PI4KA: variants seen among roughly 807,000 people sequenced by gnomAD.
The protein encoded by PI4KA is PI4-kinase alpha.
Under a neutral mutation model 271.4 loss-of-function variants are expected in PI4KA, and 122 were observed. The ratio of observed to expected loss-of-function variants is 0.45; its 90% CI spans 0.39 to 0.52. The LOEUF (loss-of-function observed/expected upper bound fraction) is 0.52. Ranked by LOEUF, PI4KA falls within the 20% of genes least tolerant of loss-of-function variation. The pLI, the probability that PI4KA is intolerant of heterozygous loss-of-function variation, is 0.00. For missense variants in PI4KA, 1,969 were observed against 2,769.1 expected, an observed-to-expected ratio of 0.71 and a Z score of 6.48; for synonymous variants, 1,041 against 1,078.8, an observed-to-expected ratio of 0.96 and a Z score of 0.69.
chr22:20,837,356 G>A (rs893968774), intron 2 of PI4KA, among the ~76,000 whole-genome samples: 6 of 149,450 alleles, frequency 4.0e-5, no homozygotes, highest in African/African-American at 1.0e-4. Context: ...CAGCCTAGGC[G>A]ATAGAGTGAC....
rs1930646594 is a variant in PI4KA at position 20,751,195 on chromosome 22, G to A, written c.3153+98C>T. The stretch of plus-strand genomic sequence containing the variant: ...GCACCACCCACACCTCAAATTGCTG[G>A]GGACTGGGTGAGCTCATGCAGGTTG... On this transcript the variant is annotated intron_variant, in intron 27 of 54. Transcript: ENST00000255882. 11 of 936,438 alleles carry A rather than the reference G, an allele frequency of 1.2e-5. No individual in the cohort carries two copies. In the Admixed American group the frequency reaches 2.2e-4, roughly 18 times the overall value. The allele number at this position is 936,438 out of a possible 1,614,324, so 58.0% of individuals were successfully genotyped here.
At position 20,739,277 on chromosome 22, in the gene PI4KA, C is replaced by T. The variant is rs1287666167; in HGVS notation, c.3741+2951G>A. 5.4e-5 allele frequency among the ~76,000 whole-genome samples: 8 copies of T among 149,440 alleles called. No individual in the cohort carries two copies. The South Asian group carries it at 8.5e-4, about 16-fold the overall frequency. ...AGGAGAATGGCGTGAACCCGGGAGG[C>T]GGAGTGAGCCAAGATCGGGCCACTG... On this transcript the variant is annotated intron_variant, in intron 32 of 54. Transcript: ENST00000255882.
rs374208021 is a variant in PI4KA, at chr22:20,709,899, G to A, written c.6173+9C>T. ...CCCAGATGGCCTGCGTGTCCACCAA[G>A]GAACCTACTTCAAGAGCTTGATTGT... On this transcript the variant is annotated intron_variant, in intron 53 of 54. Transcript: ENST00000255882. 7.8e-6 allele frequency: 12 copies of A among 1,535,210 alleles called. No individual in the cohort carries two copies. The African/African-American group carries it at 1.5e-4, about 19-fold the overall frequency.
At chr22:20,717,152 G>A (rs541331781) in intron 45 of PI4KA, among the ~76,000 whole-genome samples, 11 of 152,188 alleles carry the variant, frequency 7.2e-5, no homozygotes, top group East Asian at 3.9e-4. Flanking sequence ...AGGCTGAGGC[G>A]ACACAGCGAA....
Position 20,777,603 on chromosome 22 carries a change from C to CT in PI4KA, c.2329-11911dup, listed in dbSNP as rs528896939. On this transcript the variant is annotated intron_variant, in intron 19 of 54. Transcript: ENST00000255882. ...TCCTGGGCTCAAGTGATCTTCCTGC[C>CT]TTGGTCTCCCAGTGTTGGGATTATA... Among the ~76,000 whole-genome samples, 223 of 152,348 alleles carry CT rather than the reference C, an allele frequency of 1.5e-3. 1 individual carries two copies. The highest frequency in any genetic ancestry group is 5.8e-3 in the South Asian group (28 of 4,824).
chr22:20,811,417 C>T (rs554525662), intron 8 of PI4KA, among the ~76,000 whole-genome samples: 1 of 152,212 alleles, frequency 6.6e-6, no homozygotes, highest in Admixed American at 6.5e-5. Context: ...TCAAGGACAC[C>T]CTCACAGCCA....
intron 23 of PI4KA, 142 bp downstream of exon 23, chr22:20,761,161 TA>T (rs1048741541): frequency 3.1e-6 from 2 of 635,856 alleles, no homozygotes; most frequent in African/African-American, 3.7e-5. Flanking sequence ...ATTTGAAGGC[TA>T]TATGTTTTAT....
chr22:20,808,683 C>A (rs1406963159), intron 9 of PI4KA, among the ~76,000 whole-genome samples: 1 of 149,790 alleles, frequency 6.7e-6, no homozygotes, highest in Admixed American at 6.6e-5. Flanking sequence ...TCGTTTTTTT[C>A]ATTTTTTTTT....
rs751865542 is a variant in PI4KA, at chr22:20,819,818, G to A, written c.612C>T (p.Leu204=). The change falls in exon 6 of 55, where the codon CTC becomes CTT. Residue 204 remains leucine (L), a synonymous_variant. Transcript: ENST00000255882. ...FGRYSNMEES[L]LSKLFPKIPP... is the part of the protein sequence containing the mutation. ...GGATTTTGGGAAAGAGCTTTGAGAG[G>A]AGAGACTCTTCCATGTTGCTGTAAC... 5.0e-6 allele frequency: 8 copies of A among 1,614,048 alleles called. No homozygotes were observed. Among genetic ancestry groups the A allele is most frequent in the Non-Finnish European group, 4.2e-6 (5 of 1,179,870 alleles).
intron 12 of PI4KA, 65 bp from the exon 13 acceptor site, chr22:20,803,385 A>C: frequency 6.2e-7 from 1 of 1,602,100 alleles, no homozygotes; most frequent in Non-Finnish European, 8.5e-7. Flanking sequence ...GGCCCTGAGC[A>C]GGGAGGTGCT....
chr22:20,792,950 C>T (rs1174454825), intron 19 of PI4KA, among the ~76,000 whole-genome samples: 1 of 152,110 alleles, frequency 6.6e-6, no homozygotes, highest in African/African-American at 2.4e-5. Context: ...AAAGCAAGTG[C>T]CCTTGTCAAT....
At chr22:20,858,244 G>A (rs180811638) in intron 1 of PI4KA, among the ~76,000 whole-genome samples, 1 of 152,294 alleles carries the variant, frequency 6.6e-6, no homozygotes, top group African/African-American at 2.4e-5. Flanking sequence ...GCTCCGCACA[G>A]CCGCCCACGA....
At position 20,719,795 on chromosome 22, in the gene PI4KA, C is replaced by T. The variant is rs139294795; in HGVS notation, c.5117-973G>A. Among the ~76,000 whole-genome samples the T allele has an allele frequency of 5.9e-3, 899 of 151,864 alleles. 5 individuals are homozygous for T. Among genetic ancestry groups the T allele is most frequent in the African/African-American group, 0.021 (865 of 41,408 alleles). Reference sequence around the variant, plus strand: ...TAATCTCAGCACTTTGGGAGGCCGACGTGAGTGGACCACAAGGTCAGGAAA... The same window carrying T: ...TAATCTCAGCACTTTGGGAGGCCGATGTGAGTGGACCACAAGGTCAGGAAA... On this transcript the variant is annotated intron_variant, in intron 43 of 54. Transcript: ENST00000255882.
At chr22:20,830,210 G>A (rs893120235) in intron 3 of PI4KA, among the ~76,000 whole-genome samples, 8 of 152,176 alleles carry the variant, frequency 5.3e-5, no homozygotes, top group Non-Finnish European at 1.0e-4. Flanking sequence ...CTGCCCTGAT[G>A]ATCTGTCTAA....
chr22:20,834,290 A>T (rs1241020723), intron 3 of PI4KA, among the ~76,000 whole-genome samples: 1 of 152,172 alleles, frequency 6.6e-6, no homozygotes, highest in Non-Finnish European at 1.5e-5. Context: ...AGACATGAGA[A>T]AAGGTTCTTG....
At chr22:20,759,781 G>C (rs1358052397) in intron 23 of PI4KA, among the ~76,000 whole-genome samples, 1 of 152,098 alleles carries the variant, frequency 6.6e-6, no homozygotes, top group Non-Finnish European at 1.5e-5. Context: ...TAGCCAGGAC[G>C]GTCTTGATCT....
At chr22:20,799,547 T>C in intron 15 of PI4KA, 124 bp downstream of exon 15, 1 of 770,724 alleles carries the variant, frequency 1.3e-6, no homozygotes, top group Non-Finnish European at 2.2e-6. Flanking sequence ...ACAACCCTGA[T>C]ACATGCCTAT....
chr22:20,765,187 C>G lies in PI4KA; in HGVS notation c.2487G>C (p.Lys829Asn), dbSNP rs754984537. Reference sequence around the variant, plus strand: ...TGCTGGGAAAGGTGAGCAAGGGGGACTTAGTGGCTATTTCACAGACCCCCT... The same window carrying G: ...TGCTGGGAAAGGTGAGCAAGGGGGAGTTAGTGGCTATTTCACAGACCCCCT... ...WYEGVCEIAT[K>N]SPLLTFPSKE... The change falls in exon 21 of 55, where the codon AAG becomes AAC. Residue 829 changes from lysine to asparagine, a missense_variant. Lys to Asn is a moderately conservative substitution (Grantham distance 94). This residue lies in a region of PI4KA where 368 missense variants were observed against 544.3 expected (regional missense o/e 0.68). Transcript: ENST00000255882. 6.2e-7 allele frequency: 1 copy of G among 1,613,824 alleles called. No homozygotes were observed.
Position 20,714,663 on chromosome 22 carries a change from C to A in PI4KA, c.5355G>T (p.Leu1785=). 1 of 1,614,022 alleles carries A rather than the reference C, an allele frequency of 6.2e-7. No homozygotes were observed. The highest frequency in any genetic ancestry group is 8.5e-7 in the Non-Finnish European group (1 of 1,179,874). ...GGGTCCCAGACTTGTAGTCGATGTC[C>A]AGCACAATGGCCTCAGGGTTGCTGG... ...YLPSNPEAIV[L]DIDYKSGTPM... The change falls in exon 46 of 55, where the codon CTG becomes CTT. Residue 1785 remains leucine (L), a synonymous_variant. Transcript: ENST00000255882.
Sources: allele counts gnomAD v4.1 joint callset (sites outside exome capture counted in the v4.1 genomes callset), GRCh38; gene constraint gnomAD v4.1.1; regional missense constraint gnomAD v4.1.1; transcripts MANE v1.5; gene names NCBI Gene and HGNC (gene_info 2026-07-23, HGNC 2026-07-21).